The following FLG variants were observed in gnomAD, a reference collection of about 807,000 sequenced individuals.
The protein encoded by FLG is filaggrin, also known as epidermal filaggrin.
In FLG, 6 loss-of-function variants were observed where a neutral mutation model predicts 3.8. That is an observed-to-expected ratio of 1.60 (90% CI 0.87 to 3.15). The LOEUF is 3.15. Ranked by LOEUF, FLG falls within the 30% of genes most tolerant of loss-of-function variation. The probability of loss-of-function intolerance (pLI) is 0.00; values close to 1 mark genes in which losing one functional copy is unlikely to be tolerated. For synonymous variants in FLG, 2,551 were observed against 1,931.6 expected, an observed-to-expected ratio of 1.32 and a Z score of -8.41; for missense variants, 7,595 against 5,050.9, an observed-to-expected ratio of 1.50 and a Z score of -15.27.
chr1:152,323,968 C>G (rs1415864379), intron 1 of FLG, among the ~76,000 whole-genome samples: 1 of 151,576 alleles, frequency 6.6e-6, no homozygotes, highest in Non-Finnish European at 1.5e-5. Flanking sequence ...GTAGACTGGA[C>G]TAGGATGATA....
chr1:152,311,691 C>A lies in FLG; in HGVS notation c.3195G>T (p.Gly1065=), dbSNP rs1269639235. The A allele has an allele frequency of 2.5e-6, 4 of 1,614,002 alleles. No homozygotes were observed. Among genetic ancestry groups the A allele is most frequent in the Admixed American group, 3.3e-5 (2 of 60,020 alleles). ...SSAVRDSGHW[G]SSGSQASDSE... ...TATCACTGGCCTGACTACCACTGGA[C>A]CCCCAGTGTCCACTGTCTCTGACTG... Residue 1065 remains glycine (G), a synonymous_variant, in exon 3 of 3, where the codon GGG becomes GGT. Coordinates refer to ENST00000368799, the MANE Select transcript of FLG (RefSeq NM_002016.2).
chr1:152,317,859 G>A (rs1278571539), intron 1 of FLG, among the ~76,000 whole-genome samples: 1 of 151,788 alleles, frequency 6.6e-6, no homozygotes, highest in Non-Finnish European at 1.5e-5. Context: ...TAAAAATGTC[G>A]CACACCCGTT....
At position 152,307,575 on chromosome 1, in the gene FLG, T is replaced by G; in HGVS notation, c.7311A>C (p.Gly2437=). ...AHGRTGTSTG[G]RQGSHHKQAR... ...CCTGCTTGTGGTGGGATCCTTGTCT[T>G]CCTCCAGTGCTGGTCCCGGTCCGTC... The change falls in exon 3 of 3, where the codon GGA becomes GGC. Residue 2437 remains glycine (G), a synonymous_variant. Coordinates refer to ENST00000368799, the MANE Select transcript of FLG (RefSeq NM_002016.2). 7 of 1,613,456 alleles carry G rather than the reference T, an allele frequency of 4.3e-6. No individual in the cohort carries two copies. The highest frequency in any genetic ancestry group is 5.9e-6 in the Non-Finnish European group (7 of 1,179,896).
rs144863102 is a variant in FLG, at chr1:152,309,544, C to G, written c.5342G>C (p.Arg1781Pro). ...TCTTCCTCCAGTGCTGGGCCCTGTG[C>G]GTCCATGGGCGGACTCAGACTGTTC... Reference protein sequence around the residue: ...THEQSESAHGRTGPSTGGRQR... With the variant: ...THEQSESAHGPTGPSTGGRQR... Residue 1781 changes from arginine (R) to proline (P), a missense_variant, in exon 3 of 3, where the codon CGC (arginine) becomes CCC (proline). By Grantham distance (103) the Arg-to-Pro change is moderately radical. Coordinates refer to ENST00000368799, the MANE Select transcript of FLG (RefSeq NM_002016.2). 6.2e-7 allele frequency: 1 copy of G among 1,613,712 alleles called. No individual in the cohort carries two copies. Among genetic ancestry groups the G allele is most frequent in the African/African-American group, 1.3e-5 (1 of 74,874 alleles).
chr1:152,309,045 C>T lies in FLG; in HGVS notation c.5841G>A (p.Trp1947Ter), dbSNP rs748135905. Residue 1947 changes from tryptophan (W) to a stop codon, truncating the protein, a stop_gained, in exon 3 of 3, where the codon TGG becomes TGA. Transcript: ENST00000368799. LOFTEE classifies it low-confidence loss of function (END_TRUNC). The part of the protein sequence containing the change: ...SASRNHLGSA[W>*]EQSRDGSRHP... Reference sequence around the variant, plus strand: ...GTCTGGAGCCATCTCTTGACTGCTCCCAAGCAGATCCAAGATGGTTTCTGG... The same window carrying T: ...GTCTGGAGCCATCTCTTGACTGCTCTCAAGCAGATCCAAGATGGTTTCTGG... 25 of 1,614,070 alleles carry T rather than the reference C, an allele frequency of 1.5e-5. No individual in the cohort carries two copies. The highest frequency in any genetic ancestry group is 8.9e-5 in the East Asian group (4 of 44,894).
intron 1 of FLG, among the ~76,000 whole-genome samples, chr1:152,321,899 A>T (rs1251039934): frequency 6.6e-6 from 1 of 151,262 alleles, no homozygotes; most frequent in Non-Finnish European, 1.5e-5. Flanking sequence ...AAACTCTGAA[A>T]GAATATAATA....
chr1:152,312,249 C>T lies in FLG; in HGVS notation c.2637G>A (p.Arg879=). The change falls in exon 3 of 3, where the codon AGG becomes AGA. Residue 879 remains arginine, a synonymous_variant. Transcript: ENST00000368799. ...SHHSHTTSQG[R]SDASRGQSGS... ...CTGACTGCCCACGGGAGGCATCAGA[C>T]CTTCCCTGGGATGTGGTGTGGCTGT... 1 of 1,613,862 alleles carries T rather than the reference C, an allele frequency of 6.2e-7. No individual in the cohort carries two copies. The highest frequency in any genetic ancestry group is 8.5e-7 in the Non-Finnish European group (1 of 1,179,970).
At position 152,306,021 on chromosome 1, in the gene FLG, T is replaced by A; in HGVS notation, c.8865A>T (p.Thr2955=). 6.3e-7 allele frequency: 1 copy of A among 1,589,174 alleles called. No homozygotes were observed. Among genetic ancestry groups the A allele is most frequent in the Non-Finnish European group, 8.5e-7 (1 of 1,176,716 alleles). The part of the protein sequence containing the change: ...DSSRQSGTRH[T]QTSSGGQAAS... ...CAGCCTGTCCACCAGAGGAAGTCTG[T>A]GTGTGACGAGTGCCTGATTGTCTGG... Residue 2955 remains threonine, a synonymous_variant, in exon 3 of 3, where the codon ACA becomes ACT. Transcript: ENST00000368799.
chr1:152,311,138 A>C lies in FLG; in HGVS notation c.3748T>G (p.Ser1250Ala). The change falls in exon 3 of 3, where the codon TCA (serine) becomes GCA (alanine). Residue 1250 changes from serine (S) to alanine (A), a missense_variant. Coordinates refer to ENST00000368799, the MANE Select transcript of FLG (RefSeq NM_002016.2). ...GATGATTGTTCCTGTCCCACCTGTG[A>C]GTGTCTAGAGCTGTCAGCCCAAGAG... ...AASWADSSRH[S>A]QVGQEQSSGS... 1 of 1,613,392 alleles carries C rather than the reference A, an allele frequency of 6.2e-7. No individual in the cohort carries two copies. Among genetic ancestry groups the C allele is most frequent in the South Asian group, 1.1e-5 (1 of 91,038 alleles).
Position 152,311,003 on chromosome 1 carries a change from G to C in FLG, c.3883C>G (p.His1295Asp). The C allele has an allele frequency of 2.5e-6, 4 of 1,613,952 alleles. No individual in the cohort carries two copies. Among genetic ancestry groups the C allele is most frequent in the Non-Finnish European group, 3.4e-6 (4 of 1,179,984 alleles). The change falls in exon 3 of 3, where the codon CAT becomes GAT. Residue 1295 changes from histidine to aspartate, a missense_variant. His to Asp is a moderately conservative substitution (Grantham distance 81, BLOSUM62 -1). Coordinates refer to ENST00000368799, the MANE Select transcript of FLG (RefSeq NM_002016.2). Reference sequence around the variant, plus strand: ...CTTGACTGCTCCCGAGAAGATCCATGATGGTTTCTGGAAGCAGACCCAGAC... The same window carrying C: ...CTTGACTGCTCCCGAGAAGATCCATCATGGTTTCTGGAAGCAGACCCAGAC... The part of the protein sequence containing the change: ...RLSGSASRNH[H>D]GSSREQSRDG...
Position 152,314,413 on chromosome 1 carries a change from T to A in FLG, c.473A>T (p.Lys158Ile). 6.2e-7 allele frequency: 1 copy of A among 1,613,608 alleles called. No individual in the cohort carries two copies. The highest frequency in any genetic ancestry group is 8.5e-7 in the Non-Finnish European group (1 of 1,179,932). Residue 158 changes from lysine (K) to isoleucine (I), a missense_variant, in exon 3 of 3, where the codon AAA (lysine) becomes ATA (isoleucine). By Grantham distance (102) the Lys-to-Ile change is moderately radical (BLOSUM62 -3). Coordinates refer to ENST00000368799, the MANE Select transcript of FLG (RefSeq NM_002016.2). ...AGGTGAATATCCTTTTCTTTCTTTT[T>A]TTTCAGAACTAGATTCATGCCTTTT... is the stretch of plus-strand genomic sequence containing the variant. The part of the protein sequence containing the change: ...GGKRHESSSE[K>I]KERKGYSPTH...
At position 152,302,893 on chromosome 1, in the gene FLG, C is replaced by G. The variant is rs1428056524; in HGVS notation, c.11993G>C (p.Ser3998Thr). The G allele has an allele frequency of 6.2e-7, 1 of 1,614,182 alleles. No individual in the cohort carries two copies. The highest frequency in any genetic ancestry group is 8.5e-7 in the Non-Finnish European group (1 of 1,180,014). Residue 3998 changes from serine to threonine, a missense_variant, in exon 3 of 3, where the codon AGT becomes ACT. Physicochemically the swap from Ser to Thr is moderately conservative, Grantham distance 58. Transcript: ENST00000368799. ...ESGFRHSQHG[S>T]VSYNSNPVVF... ...AACAGGATTGGAATTGTAACTAACACTTCCGTGCTGAGAGTGTCTAAACCC... is the reference window on the plus strand; with the variant it reads ...AACAGGATTGGAATTGTAACTAACAGTTCCGTGCTGAGAGTGTCTAAACCC...
In FLG at chr1:152,311,881, G is replaced by C; in HGVS notation, c.3005C>G (p.Ser1002Cys). The change falls in exon 3 of 3, where the codon TCC becomes TGC. Residue 1002 changes from serine to cysteine, a missense_variant. Ser to Cys is a moderately radical substitution (Grantham distance 112, BLOSUM62 -1). Coordinates refer to ENST00000368799, the MANE Select transcript of FLG (RefSeq NM_002016.2). ...RAGHGHSADSSRQSGTPHAET... is the reference protein window; with the variant it reads ...RAGHGHSADSCRQSGTPHAET... ...TGCGTGAGGAGTTCCTGATTGTCTGGAGCTGTCTGCAGAGTGCCCGTGACC... is the reference window on the plus strand; with the variant it reads ...TGCGTGAGGAGTTCCTGATTGTCTGCAGCTGTCTGCAGAGTGCCCGTGACC... 6.2e-7 allele frequency: 1 copy of C among 1,614,138 alleles called. No individual in the cohort carries two copies. The highest frequency in any genetic ancestry group is 2.2e-5 in the East Asian group (1 of 44,856).
At chr1:152,324,602 C>T (rs1653086797) in intron 1 of FLG, among the ~76,000 whole-genome samples, 1 of 151,846 alleles carries the variant, frequency 6.6e-6, no homozygotes, top group African/African-American at 2.4e-5. Context: ...ATCTGTGGCC[C>T]AGGACAGCTT....
chr1:152,304,051 G>T lies in FLG; in HGVS notation c.10835C>A (p.Ala3612Glu). ...HAENSSGGQAASSHEQARSSA... is the reference protein window; with the variant it reads ...HAENSSGGQAESSHEQARSSA... Reference sequence around the variant, plus strand: ...TGATCTTGCCTGTTCATGGGATGATGCAGCCTGTCCACCAGAGGAATTCTC... The same window carrying T: ...TGATCTTGCCTGTTCATGGGATGATTCAGCCTGTCCACCAGAGGAATTCTC... The change falls in exon 3 of 3, where the codon GCA becomes GAA. Residue 3612 changes from alanine to glutamate, a missense_variant. Coordinates refer to ENST00000368799, the MANE Select transcript of FLG (RefSeq NM_002016.2). 1 of 1,613,442 alleles carries T rather than the reference G, an allele frequency of 6.2e-7. No homozygotes were observed. Among genetic ancestry groups the T allele is most frequent in the South Asian group, 1.1e-5 (1 of 90,984 alleles).
rs1390104615 is a variant in FLG at position 152,313,481 on chromosome 1, G to A, written c.1405C>T (p.Leu469Phe). The change falls in exon 3 of 3, where the codon CTC becomes TTC. Residue 469 changes from leucine (L) to phenylalanine (F), a missense_variant. Transcript: ENST00000368799. ...GERSGRSGSS[L>F]YQVSTHEQPD... ...TGTTCATGAGTGCTCACCTGGTAGA[G>A]GGAAGACCCTGAACGTCCAGACCGT... 1.2e-6 allele frequency: 2 copies of A among 1,613,784 alleles called. No individual in the cohort carries two copies. The highest frequency in any genetic ancestry group is 1.7e-6 in the Non-Finnish European group (2 of 1,179,980).
chr1:152,310,217 A>G lies in FLG; in HGVS notation c.4669T>C (p.Ser1557Pro). The change falls in exon 3 of 3, where the codon TCA (serine) becomes CCA (proline). Residue 1557 changes from serine (S) to proline (P), a missense_variant. Physicochemically the swap from Ser to Pro is moderately conservative, Grantham distance 74. Coordinates refer to ENST00000368799, the MANE Select transcript of FLG (RefSeq NM_002016.2). ...GAAGGTTCATGGTGACGTGACCCTGAGTGCCTGGAGCCGTCTCCTGATTGT... is the reference window on the plus strand; with the variant it reads ...GAAGGTTCATGGTGACGTGACCCTGGGTGCCTGGAGCCGTCTCCTGATTGT... ...EEQSGDGSRH[S>P]GSRHHEPSTR... 6.2e-7 allele frequency: 1 copy of G among 1,613,584 alleles called. No individual in the cohort carries two copies. Among genetic ancestry groups the G allele is most frequent in the Non-Finnish European group, 8.5e-7 (1 of 1,179,918 alleles).
In FLG at chr1:152,303,482, C is replaced by T. The variant is rs1470647385; in HGVS notation, c.11404G>A (p.Gly3802Arg). The part of the protein sequence containing the change: ...TSQGRSDASH[G>R]QSGSRSASRE... Reference sequence around the variant, plus strand: ...CTTGCACTTCTGGATCCTGACTGCCCATGGGAGGCATCAGACCTTCCCTGG... The same window carrying T: ...CTTGCACTTCTGGATCCTGACTGCCTATGGGAGGCATCAGACCTTCCCTGG... The change falls in exon 3 of 3, where the codon GGG becomes AGG. Residue 3802 changes from glycine to arginine, a missense_variant. Transcript: ENST00000368799. 6.2e-7 allele frequency: 1 copy of T among 1,614,026 alleles called. No homozygotes were observed. Among genetic ancestry groups the T allele is most frequent in the Admixed American group, 1.7e-5 (1 of 60,008 alleles).
In FLG at chr1:152,308,577, G is replaced by T. The variant is rs72477392; in HGVS notation, c.6309C>A (p.Thr2103=). ...QVSTHEQSES[T]HGQSAPSTGG... ...CAGTGCTGGGCGCAGACTGTCCATG[G>T]GTGGACTCAGACTGTTCATGAGTGC... Residue 2103 remains threonine (T), a synonymous_variant, in exon 3 of 3, where the codon ACC becomes ACA. Transcript: ENST00000368799. 1,037 of 1,613,918 alleles carry T rather than the reference G, an allele frequency of 6.4e-4. No homozygotes were observed. The East Asian group carries it at 0.013, about 20-fold the overall frequency.
Sources: allele counts gnomAD v4.1 joint callset (sites outside exome capture counted in the v4.1 genomes callset), GRCh38; gene constraint gnomAD v4.1.1; transcripts MANE v1.5; gene names NCBI Gene and HGNC (gene_info 2026-07-23, HGNC 2026-07-21).